Variants in PIBF1 observed in about 807,000 individuals in gnomAD.
PIBF1 encodes the protein progesterone immunomodulatory binding factor 1, also known as progesterone-induced-blocking factor 1.
Under a neutral mutation model 112.5 loss-of-function variants are expected in PIBF1, and 90 were observed. That is an observed-to-expected ratio of 0.80 (90% confidence interval 0.67 to 0.95). The LOEUF (loss-of-function observed/expected upper bound fraction) is 0.95, where lower values mean the gene tolerates loss of function less well. Among genes scored for constraint, PIBF1 ranks in the 40% least tolerant of loss-of-function variants. The pLI is 0.00. For synonymous variants in PIBF1, 301 were observed against 288.6 expected (o/e 1.04, Z -0.44); for missense variants, 915 against 852.3 (o/e 1.07, Z -0.92).
At chr13:73,005,620 T>C (rs1020393927) in intron 17 of PIBF1, among the ~76,000 whole-genome samples, 11 of 152,142 alleles carry the variant, frequency 7.2e-5, no homozygotes, top group Admixed American at 2.0e-4. Flanking sequence ...AAATGGAACG[T>C]AGCAGTTATT....
rs1365216924 is a variant in PIBF1, at chr13:72,798,562, C to T, written c.672+536C>T. Among the ~76,000 whole-genome samples, 3 of 151,986 alleles carry T rather than the reference C, an allele frequency of 2.0e-5. No homozygotes were observed. The East Asian group carries it at 5.8e-4, about 29-fold the overall frequency. On this transcript the variant is annotated intron_variant, in intron 5 of 17. Transcript: ENST00000326291. ...TCCTGTGAATAAATATTAATAGCACCCCTTTATTTTCAAAATTATCTCAGC... is the reference window on the plus strand; with the variant it reads ...TCCTGTGAATAAATATTAATAGCACTCCTTTATTTTCAAAATTATCTCAGC...
At chr13:72,811,103 G>A (rs895064570) in intron 5 of PIBF1, among the ~76,000 whole-genome samples, 17 of 152,166 alleles carry the variant, frequency 1.1e-4, no homozygotes, top group African/African-American at 3.9e-4. Flanking sequence ...CTCGTGATCT[G>A]CCCACCTTGG....
chr13:72,835,299 G>A lies in PIBF1; in HGVS notation c.1154G>A (p.Arg385Lys). The A allele has an allele frequency of 6.3e-7, 1 of 1,596,744 alleles. No individual in the cohort carries two copies. The highest frequency in any genetic ancestry group is 1.1e-5 in the South Asian group (1 of 88,066). The change falls in exon 9 of 18, where the codon AGA becomes AAA. Residue 385 changes from arginine to lysine, a missense_variant. By Grantham distance (26) the Arg-to-Lys change is conservative. Transcript: ENST00000326291. ...CTACATGATGAACTAGAACAAATCAGATTGAAAACCAACCAAGAAATTGAT... is the reference window on the plus strand; with the variant it reads ...CTACATGATGAACTAGAACAAATCAAATTGAAAACCAACCAAGAAATTGAT... The part of the protein sequence containing the change: ...NKLHDELEQI[R>K]LKTNQEIDQL...
intron 5 of PIBF1, among the ~76,000 whole-genome samples, chr13:72,813,316 G>A (rs1332419494): frequency 2.6e-5 from 4 of 152,188 alleles, no homozygotes; most frequent in Admixed American, 2.0e-4. Context: ...CCAGTTCAAA[G>A]TATCCCTCTC....
Position 72,904,590 on chromosome 13 carries a change from G to A in PIBF1, c.1489-3941G>A, listed in dbSNP as rs1054448214. 4.0e-5 allele frequency among the ~76,000 whole-genome samples: 6 copies of A among 151,018 alleles called. No homozygotes were observed. The East Asian group carries it at 5.9e-4, about 15-fold the overall frequency. Reference sequence around the variant, plus strand: ...GAAGTAACTGAGACTACAGGCGCACGCTACCACACCCAGCTAATTTTTGTA... The same window carrying A: ...GAAGTAACTGAGACTACAGGCGCACACTACCACACCCAGCTAATTTTTGTA... On this transcript the variant is annotated intron_variant, in intron 11 of 17. Coordinates refer to ENST00000326291, the MANE Select transcript of PIBF1 (RefSeq NM_006346.4).
chr13:72,918,383 ATTTTTT>A (rs60024983), intron 13 of PIBF1, among the ~76,000 whole-genome samples: 6 of 102,964 alleles, frequency 5.8e-5, no homozygotes, highest in African/African-American at 2.5e-4. Flanking sequence ...GCAACTACCT[ATTTTTT>A]TTTTTTTTTT....
chr13:72,966,295 C>T (rs1460116217), intron 15 of PIBF1, among the ~76,000 whole-genome samples: 2 of 152,118 alleles, frequency 1.3e-5, no homozygotes, highest in African/African-American at 4.8e-5. Flanking sequence ...TAATTACCTT[C>T]TTTCATTTCT....
intron 14 of PIBF1, among the ~76,000 whole-genome samples, chr13:72,935,219 T>G (rs2041834507): frequency 1.3e-5 from 2 of 152,096 alleles, no homozygotes; most frequent in South Asian, 4.1e-4. Flanking sequence ...CTCCTGACCT[T>G]GTGATCCACC....
chr13:72,870,888 A>G (rs545101723), intron 10 of PIBF1, among the ~76,000 whole-genome samples: 5 of 151,906 alleles, frequency 3.3e-5, no homozygotes, highest in African/African-American at 9.6e-5. Context: ...TAGATAGGAG[A>G]TAAGGATAGA....
At chr13:72,904,399 A>T (rs1311453199) in intron 11 of PIBF1, among the ~76,000 whole-genome samples, 1 of 132,512 alleles carries the variant, frequency 7.5e-6, no homozygotes. Flanking sequence ...TGTGTTGCAT[A>T]CATTTGTCAT....
At chr13:72,946,498 A>G (rs542895024) in intron 14 of PIBF1, among the ~76,000 whole-genome samples, 1 of 152,150 alleles carries the variant, frequency 6.6e-6, no homozygotes, top group Non-Finnish European at 1.5e-5. Context: ...TGCCTTTCCA[A>G]CAGTTCCCCA....
intron 10 of PIBF1, among the ~76,000 whole-genome samples, chr13:72,885,818 A>G (rs1223261585): frequency 6.6e-6 from 1 of 152,128 alleles, no homozygotes; most frequent in African/African-American, 2.4e-5. Context: ...AGTCAACCTC[A>G]GGAGTCATCC....
chr13:72,942,742 T>C (rs1382236937), intron 14 of PIBF1, among the ~76,000 whole-genome samples: 1 of 152,200 alleles, frequency 6.6e-6, no homozygotes, highest in Non-Finnish European at 1.5e-5. Flanking sequence ...GGGTCACACC[T>C]GTAATCCCAG....
chr13:72,877,912 G>T (rs1304605193), intron 10 of PIBF1, among the ~76,000 whole-genome samples: 2 of 151,832 alleles, frequency 1.3e-5, no homozygotes, highest in African/African-American at 4.8e-5. Context: ...ACCACGCCTG[G>T]TTAATTTTGT....
At chr13:72,966,681 G>A (rs1027533814) in intron 15 of PIBF1, among the ~76,000 whole-genome samples, 12 of 152,152 alleles carry the variant, frequency 7.9e-5, no homozygotes, top group African/African-American at 2.6e-4. Flanking sequence ...GGCTGAGGCA[G>A]GCAGATCACC....
chr13:72,795,321 C>A (rs368009489), intron 3 of PIBF1, 38 bp from the exon 4 acceptor site: 1 of 1,318,942 alleles, frequency 7.6e-7, no homozygotes, highest in Non-Finnish European at 1.1e-6. Context: ...ATCTCAAATA[C>A]TTTTTTAAAG....
intron 6 of PIBF1, among the ~76,000 whole-genome samples, chr13:72,824,336 C>G (rs1313130079): frequency 6.6e-6 from 1 of 152,022 alleles, no homozygotes; most frequent in Non-Finnish European, 1.5e-5. Context: ...ACTTCTAATT[C>G]CAATTCAACA....
intron 9 of PIBF1, among the ~76,000 whole-genome samples, chr13:72,851,647 A>T (rs1281859677): frequency 6.6e-6 from 1 of 152,230 alleles, no homozygotes; most frequent in East Asian, 1.9e-4. Context: ...CCCCACCCTC[A>T]AGCCAGGGAT....
intron 2 of PIBF1, among the ~76,000 whole-genome samples, chr13:72,790,978 C>T (rs912323721): frequency 6.6e-6 from 1 of 152,090 alleles, no homozygotes; most frequent in Non-Finnish European, 1.5e-5. Context: ...AGGGACTTGA[C>T]GATGCAAGAG....
Sources: gnomAD v4.1 joint callset for allele counts (sites outside exome capture counted in the v4.1 genomes callset) on GRCh38, gnomAD v4.1.1 for gene constraint, MANE v1.5 for transcripts, NCBI Gene and HGNC (gene_info 2026-07-23, HGNC 2026-07-21) for gene names.